Variants in B3GALT1 observed in about 807,000 individuals in gnomAD.
The protein encoded by B3GALT1 is UDP-Gal:betaGlcNAc beta 1,3-galactosyltransferase, polypeptide 1.
B3GALT1 carries 10 observed loss-of-function variants against 23.2 expected under a neutral mutation model. The ratio of observed to expected loss-of-function variants is 0.43; its 90% CI spans 0.27 to 0.73. The LOEUF (loss-of-function observed/expected upper bound fraction) is 0.73, where lower values mean the gene tolerates loss of function less well. B3GALT1 is among the 30% of genes least tolerant of loss of function. B3GALT1 has a pLI of 0.21. For missense variants in B3GALT1, 299 were observed against 405.4 expected (o/e 0.74, Z 2.25); for synonymous variants, 156 against 141.5 (o/e 1.10, Z -0.73).
At chr2:167,306,517 C>G (rs1381292520) in intron 1 of B3GALT1, among the ~76,000 whole-genome samples, 1 of 151,826 alleles carries the variant, frequency 6.6e-6, no homozygotes, top group Non-Finnish European at 1.5e-5. Context: ...TCCCTTTTGA[C>G]TTTAATATTT....
At chr2:167,825,467 T>TG (rs916884436) in intron 4 of B3GALT1, among the ~76,000 whole-genome samples, 2 of 135,044 alleles carry the variant, frequency 1.5e-5, no homozygotes, top group African/African-American at 6.0e-5. Flanking sequence ...CGTGCACGTG[T>TG]GTGTGTGTGT....
At chr2:167,841,477 A>T (rs1363244536) in intron 4 of B3GALT1, among the ~76,000 whole-genome samples, 1 of 152,234 alleles carries the variant, frequency 6.6e-6, no homozygotes, top group East Asian at 1.9e-4. Flanking sequence ...CCTATTTCAC[A>T]AATTCTCCAG....
intron 2 of B3GALT1, among the ~76,000 whole-genome samples, chr2:167,611,556 G>T (rs1685067056): frequency 6.6e-6 from 1 of 151,982 alleles, no homozygotes; most frequent in Non-Finnish European, 1.5e-5. Flanking sequence ...GATTTCTATA[G>T]AAATATAAGT....
At chr2:167,759,966 G>A (rs1687876023) in intron 3 of B3GALT1, among the ~76,000 whole-genome samples, 1 of 152,044 alleles carries the variant, frequency 6.6e-6, no homozygotes, top group South Asian at 2.1e-4. Context: ...CTCCTCCTAG[G>A]GAAAGCATAG....
At chr2:167,607,422 A>G (rs551848701) in intron 2 of B3GALT1, among the ~76,000 whole-genome samples, 5 of 152,272 alleles carry the variant, frequency 3.3e-5, no homozygotes, top group Middle Eastern at 3.4e-3. Flanking sequence ...CCTACCTGCA[A>G]TTAGTCAGAA....
At chr2:167,775,299 G>A (rs1688141832) in intron 3 of B3GALT1, among the ~76,000 whole-genome samples, 1 of 152,126 alleles carries the variant, frequency 6.6e-6, no homozygotes, top group Non-Finnish European at 1.5e-5. Flanking sequence ...GGCTGGGCGT[G>A]GTATCTCACG....
chr2:167,544,453 C>T (rs148200621), intron 2 of B3GALT1, among the ~76,000 whole-genome samples: 287 of 152,104 alleles, frequency 1.9e-3, no homozygotes, highest in Non-Finnish European at 3.0e-3. Context: ...GGCCGCCACG[C>T]GTGGCTAATT....
At chr2:167,410,255 G>A (rs1362698787) in intron 1 of B3GALT1, among the ~76,000 whole-genome samples, 1 of 152,024 alleles carries the variant, frequency 6.6e-6, no homozygotes. Context: ...TGTAATCCCA[G>A]CACTTTGGGA....
At chr2:167,772,797 T>A (rs992271107) in intron 3 of B3GALT1, among the ~76,000 whole-genome samples, 1 of 152,244 alleles carries the variant, frequency 6.6e-6, no homozygotes, top group Non-Finnish European at 1.5e-5. Context: ...TATAAACATA[T>A]CCAGTGTTGC....
intron 3 of B3GALT1, among the ~76,000 whole-genome samples, chr2:167,721,125 A>G (rs1687225779): frequency 6.6e-6 from 1 of 151,764 alleles, no homozygotes; most frequent in African/African-American, 2.4e-5. Context: ...CAGCCAGAAA[A>G]TGCTGTGCAG....
At chr2:167,541,800 T>G (rs1398566912) in intron 2 of B3GALT1, among the ~76,000 whole-genome samples, 1 of 152,110 alleles carries the variant, frequency 6.6e-6, no homozygotes, top group East Asian at 1.9e-4. Flanking sequence ...TATTCCTAAT[T>G]AACCTGTTTT....
chr2:167,307,609 A>G (rs2105483881), intron 1 of B3GALT1, among the ~76,000 whole-genome samples: 1 of 152,186 alleles, frequency 6.6e-6, no homozygotes, highest in African/African-American at 2.4e-5. Flanking sequence ...CGTCTGCCCC[A>G]GCCCCTGTTC....
chr2:167,606,027 C>A (rs1684956736), intron 2 of B3GALT1, among the ~76,000 whole-genome samples: 1 of 152,108 alleles, frequency 6.6e-6, no homozygotes, highest in Non-Finnish European at 1.5e-5. Flanking sequence ...TCCTCCCTGC[C>A]CCATTCCTGT....
intron 2 of B3GALT1, among the ~76,000 whole-genome samples, chr2:167,543,824 G>A (rs1481820122): frequency 6.6e-6 from 1 of 152,262 alleles, no homozygotes; most frequent in East Asian, 1.9e-4. Flanking sequence ...AAGCGCATTT[G>A]GCTACAAACA....
intron 1 of B3GALT1, among the ~76,000 whole-genome samples, chr2:167,404,589 C>T (rs759864376): frequency 6.6e-5 from 10 of 152,080 alleles, no homozygotes; most frequent in African/African-American, 9.7e-5. Flanking sequence ...GAAGATGCAT[C>T]GCAGTCAGTA....
In B3GALT1 at chr2:167,369,061, TTGTGTGTGTGTGTGTGTGTGTGTGTG is replaced by T. The variant is rs60938716; in HGVS notation, c.-511+75749_-511+75774del. Among the ~76,000 whole-genome samples the T allele has an allele frequency of 1.9e-4, 28 of 147,578 alleles. No individual in the cohort carries two copies. In the South Asian group the frequency reaches 3.7e-3, roughly 19 times the overall value. ...TGTATTGGGAAGATAAAACTCTTAT[TTGTGTGTGTGTGTGTGTGTGTGTGTG>T]TGTGTGTGTGTGTGTGTGTGTATCT... On this transcript the variant is annotated intron_variant, in intron 1 of 4. Coordinates refer to ENST00000392690, the MANE Select transcript of B3GALT1 (RefSeq NM_020981.4).
Position 167,611,637 on chromosome 2 carries a change from C to T in B3GALT1, c.-409-35272C>T, listed in dbSNP as rs1186561768. Among the ~76,000 whole-genome samples the T allele has an allele frequency of 2.0e-5, 3 of 151,910 alleles. No individual in the cohort carries two copies. In the East Asian group the frequency reaches 5.8e-4, roughly 29 times the overall value. The stretch of plus-strand genomic sequence containing the variant: ...GTTAAGAAATGATGTCCTTGCATTG[C>T]CCAGTAAAAGGGGTATATCTGTGAG... On this transcript the variant is annotated intron_variant, in intron 2 of 4. Transcript: ENST00000392690.
At chr2:167,532,276 G>C (rs1046598470) in intron 2 of B3GALT1, among the ~76,000 whole-genome samples, 2 of 152,092 alleles carry the variant, frequency 1.3e-5, no homozygotes, top group Admixed American at 1.3e-4. Context: ...TTTTAGTGCT[G>C]TTTGGTTTAA....
chr2:167,522,654 T>C (rs530615428), intron 2 of B3GALT1, among the ~76,000 whole-genome samples: 2 of 152,326 alleles, frequency 1.3e-5, no homozygotes, highest in Non-Finnish European at 2.9e-5. Context: ...TTTAGATTTC[T>C]TTCTATTGAA....
Sources: allele counts gnomAD v4.1 joint callset (sites outside exome capture counted in the v4.1 genomes callset), GRCh38; gene constraint gnomAD v4.1.1; transcripts MANE v1.5; gene names NCBI Gene and HGNC (gene_info 2026-07-23, HGNC 2026-07-21).